The following RNF180 variants were observed in gnomAD, a reference collection of about 807,000 sequenced individuals.
RNF180 encodes the protein ring finger protein 180.
Under a neutral mutation model 59.2 loss-of-function variants are expected in RNF180, and 38 were observed. That is an observed-to-expected ratio of 0.64 (90% CI 0.50 to 0.84). RNF180 has a LOEUF of 0.84. RNF180 is among the 40% of genes least tolerant of loss of function. The probability of loss-of-function intolerance (pLI) is 0.00; values close to 1 mark genes in which losing one functional copy is unlikely to be tolerated. For synonymous variants in RNF180, 262 were observed against 240.3 expected (o/e 1.09, Z -0.84); for missense variants, 705 against 700.9 (o/e 1.01, Z -0.07).
chr5:64,193,596 A>T (rs1164430679), intron 1 of RNF180, among the ~76,000 whole-genome samples: 1 of 152,186 alleles, frequency 6.6e-6, no homozygotes, highest in Non-Finnish European at 1.5e-5. Context: ...TTGGATTATG[A>T]AAGTCGTCTT....
At chr5:64,309,425 A>G (rs1039797280) in intron 5 of RNF180, among the ~76,000 whole-genome samples, 43 of 151,748 alleles carry the variant, frequency 2.8e-4, no homozygotes, top group African/African-American at 1.0e-3. Flanking sequence ...TTTGTTTTAT[A>G]TATATGAAGG....
chr5:64,242,545 A>C (rs1026839617), intron 5 of RNF180, among the ~76,000 whole-genome samples: 14 of 152,206 alleles, frequency 9.2e-5, no homozygotes, highest in African/African-American at 2.9e-4. Context: ...AAGTAATAAT[A>C]CTATAATCAA....
chr5:64,331,591 T>A (rs575915066), intron 7 of RNF180, among the ~76,000 whole-genome samples: 1 of 152,142 alleles, frequency 6.6e-6, no homozygotes, highest in Admixed American at 6.5e-5. Context: ...ACTGTGGGTC[T>A]CCTGAGAACT....
intron 7 of RNF180, among the ~76,000 whole-genome samples, chr5:64,366,223 T>C (rs548338100): frequency 6.6e-6 from 1 of 151,726 alleles, no homozygotes; most frequent in African/African-American, 2.4e-5. Context: ...CCTTTGCTTA[T>C]GAAGTTTAGT....
rs531844294 is a variant in RNF180, at chr5:64,371,651, A to G, written c.*1837A>G. 9.9e-4 allele frequency: 150 copies of G among 151,768 alleles called. No homozygotes were observed. Among genetic ancestry groups the G allele is most frequent in the African/African-American group, 3.4e-3 (141 of 41,534 alleles). 9.4% of individuals were successfully genotyped at this position (151,768 alleles called of 1,614,324 possible). A position where few individuals can be genotyped will look rare whatever the true frequency, so the allele number is the denominator to read the frequency against. On this transcript the variant is annotated 3_prime_UTR_variant, in exon 8 of 8. Coordinates refer to ENST00000389100, the MANE Select transcript of RNF180 (RefSeq NM_001113561.2). ...ATGAACCTTTAAATGAAGAAAGCAT[A>G]ATCTGGAAAAGCATTCAAAATGGAT...
chr5:64,357,036 C>T (rs577205754), intron 7 of RNF180, among the ~76,000 whole-genome samples: 1 of 151,852 alleles, frequency 6.6e-6, no homozygotes, highest in Admixed American at 6.6e-5. Flanking sequence ...GTATTCAATT[C>T]TTACCTGGTT....
At chr5:64,205,651 C>T (rs1309979319) in intron 2 of RNF180, among the ~76,000 whole-genome samples, 1 of 152,082 alleles carries the variant, frequency 6.6e-6, no homozygotes, top group African/African-American at 2.4e-5. Flanking sequence ...AACTGTGGAT[C>T]ATCAGCATAT....
At chr5:64,363,188 G>A (rs915009412) in intron 7 of RNF180, among the ~76,000 whole-genome samples, 2 of 151,796 alleles carry the variant, frequency 1.3e-5, no homozygotes, top group South Asian at 2.1e-4. Context: ...GTCCAGAATT[G>A]TATTGCATAT....
At chr5:64,328,608 A>G (rs1744759870) in intron 6 of RNF180, among the ~76,000 whole-genome samples, 1 of 152,168 alleles carries the variant, frequency 6.6e-6, no homozygotes, top group South Asian at 2.1e-4. Flanking sequence ...TGGGTGTGCA[A>G]TTGGGAAGGG....
At chr5:64,335,678 A>G (rs1297348480) in intron 7 of RNF180, among the ~76,000 whole-genome samples, 3 of 152,162 alleles carry the variant, frequency 2.0e-5, no homozygotes, top group African/African-American at 7.2e-5. Context: ...TCAGTCACTA[A>G]AAACTTAGTA....
intron 5 of RNF180, among the ~76,000 whole-genome samples, chr5:64,232,962 T>G (rs1317927193): frequency 1.3e-5 from 2 of 152,212 alleles, no homozygotes; most frequent in Non-Finnish European, 2.9e-5. Context: ...GTTGTGCTCT[T>G]AACCAATATG....
At chr5:64,294,768 G>A (rs1202738574) in intron 5 of RNF180, among the ~76,000 whole-genome samples, 1 of 151,948 alleles carries the variant, frequency 6.6e-6, no homozygotes, top group Non-Finnish European at 1.5e-5. Flanking sequence ...GAATTATATT[G>A]TATGACTGTC....
intron 1 of RNF180, among the ~76,000 whole-genome samples, chr5:64,191,579 CATG>C (rs1437508408): frequency 1.3e-5 from 2 of 152,292 alleles, no homozygotes; most frequent in East Asian, 3.9e-4. Context: ...AAGGTCAATG[CATG>C]AAATACAAAC....
chr5:64,205,373 C>T (rs561826927), intron 2 of RNF180, among the ~76,000 whole-genome samples: 1 of 152,158 alleles, frequency 6.6e-6, no homozygotes, highest in South Asian at 2.1e-4. Context: ...AGGGGGACTT[C>T]GACCTTGCAT....
chr5:64,320,894 C>G (rs1744307878), intron 5 of RNF180, among the ~76,000 whole-genome samples: 1 of 151,880 alleles, frequency 6.6e-6, no homozygotes, highest in South Asian at 2.1e-4. Context: ...AAAAATTAGC[C>G]GGGCGAGGTG....
chr5:64,213,721 G>A lies in RNF180; in HGVS notation c.395G>A (p.Arg132Lys), dbSNP rs1752441135. ...CCAACACAGGCAGGCAGACTAATGA[G>A]ACCATCAGTGAAATACTTGTCACAT... ...YQPTQAGRLM[R>K]PSVKYLSHPR... Residue 132 changes from arginine (R) to lysine (K), a missense_variant, in exon 4 of 8, where the codon AGA (arginine) becomes AAA (lysine). Physicochemically the swap from Arg to Lys is conservative, Grantham distance 26. Coordinates refer to ENST00000389100, the MANE Select transcript of RNF180 (RefSeq NM_001113561.2). 1 of 1,613,906 alleles carries A rather than the reference G, an allele frequency of 6.2e-7. No homozygotes were observed.
rs1746690502 is a variant in RNF180, at chr5:64,372,555, A to G, written c.*2741A>G. On this transcript the variant is annotated 3_prime_UTR_variant, in exon 8 of 8. Coordinates refer to ENST00000389100, the MANE Select transcript of RNF180 (RefSeq NM_001113561.2). ...TTCCAGTTAATAAAATTTTCATTTA[A>G]ATGTCTTTTGTATGGCTAAATGAAT... The G allele has an allele frequency of 6.6e-6, 1 of 151,924 alleles. No homozygotes were observed. Among genetic ancestry groups the G allele is most frequent in the Non-Finnish European group, 1.5e-5 (1 of 67,912 alleles). 9.4% of individuals were successfully genotyped at this position (151,924 alleles called of 1,614,324 possible).
chr5:64,364,060 ATTTGGATGCTCTTTCTT>A (rs948854837), intron 7 of RNF180, among the ~76,000 whole-genome samples: 1 of 151,784 alleles, frequency 6.6e-6, no homozygotes, highest in Non-Finnish European at 1.5e-5. Flanking sequence ...CTCTCTTCCT[ATTTGGATGCTCTTTCTT>A]TCTTTCTCTT....
chr5:64,184,471 T>G (rs2111966798), intron 1 of RNF180, among the ~76,000 whole-genome samples: 1 of 152,318 alleles, frequency 6.6e-6, no homozygotes, highest in South Asian at 2.1e-4. Flanking sequence ...TCACCCTTCA[T>G]TTTTTAGCAC....
Sources: allele counts gnomAD v4.1 joint callset (sites outside exome capture counted in the v4.1 genomes callset), GRCh38; gene constraint gnomAD v4.1.1; transcripts MANE v1.5; gene names NCBI Gene and HGNC (gene_info 2026-07-23, HGNC 2026-07-21).